Variants in FNDC1 observed in about 807,000 individuals in gnomAD.
FNDC1 encodes fibronectin type III domain-containing protein 1.
In FNDC1, 96 loss-of-function variants were observed where a neutral mutation model predicts 168.0. That is an observed-to-expected ratio of 0.57 (90% CI 0.48 to 0.68). FNDC1 has a LOEUF of 0.68. Ranked by LOEUF, FNDC1 falls within the 30% of genes least tolerant of loss-of-function variation. The pLI is 0.00. For missense variants in FNDC1, 2,587 were observed against 2,482.1 expected (o/e 1.04, Z -0.90); for synonymous variants, 1,099 against 1,025.9 (o/e 1.07, Z -1.36).
At chr6:159,238,422 C>T in intron 12 of FNDC1, 132 bp from the exon 13 acceptor site, 1 of 614,346 alleles carries the variant, frequency 1.6e-6, no homozygotes, top group Non-Finnish European at 2.8e-6. Flanking sequence ...ATGATATTGA[C>T]AAAAAGAATG....
At chr6:159,269,514 GCATC>G (rs1159382501) in intron 22 of FNDC1, among the ~76,000 whole-genome samples, 13,544 of 86,126 alleles carry the variant, frequency 0.16, 1,026 homozygotes, top group South Asian at 0.19. Flanking sequence ...ATCCATCCAT[GCATC>G]CATCCATCCA....
At chr6:159,177,706 C>T (rs1231583391) in intron 1 of FNDC1, among the ~76,000 whole-genome samples, 2 of 152,132 alleles carry the variant, frequency 1.3e-5, no homozygotes, top group Non-Finnish European at 2.9e-5. Context: ...AAGGCTCGGC[C>T]TCCTCTGATG....
intron 19 of FNDC1, 61 bp downstream of exon 19, chr6:159,261,330 A>G (rs1777480006): frequency 8.8e-7 from 1 of 1,137,268 alleles, no homozygotes; most frequent in African/African-American, 1.5e-5. Context: ...TAAATAATCT[A>G]GCATGATGGC....
In FNDC1 at chr6:159,271,511, A is replaced by G; in HGVS notation, c.*69A>G. ...CAACTAAGTCGCACTAGGGGCTGTG[A>G]GCAAAGACAGCCAGCGTGCTCAGCC... On this transcript the variant is annotated 3_prime_UTR_variant, in exon 23 of 23. Coordinates refer to ENST00000297267, the MANE Select transcript of FNDC1 (RefSeq NM_032532.3). 8.3e-7 allele frequency: 1 copy of G among 1,208,224 alleles called. No individual in the cohort carries two copies. Among genetic ancestry groups the G allele is most frequent in the Non-Finnish European group, 1.2e-6 (1 of 834,764 alleles). 74.8% of individuals were successfully genotyped at this position (1,208,224 alleles called of 1,614,324 possible).
intron 18 of FNDC1, among the ~76,000 whole-genome samples, chr6:159,260,970 G>C (rs1777470499): frequency 6.6e-6 from 1 of 152,208 alleles, no homozygotes; most frequent in Non-Finnish European, 1.5e-5. Context: ...ACTGCCATTA[G>C]CCATGTGTCC....
Position 159,232,133 on chromosome 6 carries a change from A to G in FNDC1, c.1621A>G (p.Thr541Ala), listed in dbSNP as rs1357880510. The G allele has an allele frequency of 2.1e-5, 34 of 1,613,822 alleles. No individual in the cohort carries two copies. In the South Asian group the frequency reaches 3.1e-4, roughly 15 times the overall value. ...GCTGGATCTTCAGTCGACAGAAATC[A>G]CTGGGGAGGAGGAGCTGGGTTCCCG... ...EELDLQSTEI[T>A]GEEELGSRED... The change falls in exon 11 of 23, where the codon ACT becomes GCT. Residue 541 changes from threonine (T) to alanine (A), a missense_variant. Thr to Ala is a moderately conservative substitution (Grantham distance 58). Coordinates refer to ENST00000297267, the MANE Select transcript of FNDC1 (RefSeq NM_032532.3). The surrounding 1 kb of genome is among the most constrained non-coding windows in gnomAD (Gnocchi z 4.9).
intron 2 of FNDC1, 139 bp downstream of exon 2, chr6:159,197,764 T>C (rs947637747): frequency 2.8e-6 from 2 of 702,364 alleles, no homozygotes; most frequent in South Asian, 4.8e-5. Context: ...GAGAGCTGAG[T>C]TCTGAGATGC....
rs1777149592 is a variant in FNDC1 at position 159,246,947 on chromosome 6, G to A, written c.4668G>A (p.Glu1556=). 1.2e-6 allele frequency: 2 copies of A among 1,612,194 alleles called. No homozygotes were observed. The highest frequency in any genetic ancestry group is 1.7e-5 in the Admixed American group (1 of 60,004). The change falls in exon 15 of 23, where the codon GAG becomes GAA. Residue 1556 remains glutamate (E), a synonymous_variant. Coordinates refer to ENST00000297267, the MANE Select transcript of FNDC1 (RefSeq NM_032532.3). The part of the protein sequence containing the change: ...LETDTAVPTE[E]AYVIYDEDYE... The stretch of plus-strand genomic sequence containing the variant: ...CTGACACTGCAGTACCTACGGAAGA[G>A]GCCTACGTTATATATGATGAAGGTA...
intron 10 of FNDC1, among the ~76,000 whole-genome samples, chr6:159,230,461 C>A (rs1783057670): frequency 6.6e-6 from 1 of 152,162 alleles, no homozygotes; most frequent in African/African-American, 2.4e-5. Flanking sequence ...GAGATGGGTT[C>A]ACTGGAAGCC....
intron 1 of FNDC1, among the ~76,000 whole-genome samples, chr6:159,175,000 A>G (rs550592311): frequency 6.6e-6 from 1 of 152,348 alleles, no homozygotes; most frequent in Non-Finnish European, 1.5e-5. Flanking sequence ...TCTAATTATT[A>G]TAATAATGCT....
chr6:159,180,849 A>G (rs1355376531), intron 1 of FNDC1, among the ~76,000 whole-genome samples: 1 of 152,134 alleles, frequency 6.6e-6, no homozygotes, highest in African/African-American at 2.4e-5. Context: ...TCCATGGTGT[A>G]TATGTCCCGC....
At chr6:159,264,949 T>A (rs745407475) in intron 19 of FNDC1, 26 bp from the exon 20 acceptor site, 86 of 1,586,660 alleles carry the variant, frequency 5.4e-5, no homozygotes, top group Non-Finnish European at 6.8e-5. Context: ...TGGCACAGAG[T>A]CCATTATTTC....
chr6:159,234,958 CTTATCTTGTTCTTGTCT>C (rs1376837031), intron 11 of FNDC1, among the ~76,000 whole-genome samples: 1 of 152,228 alleles, frequency 6.6e-6, no homozygotes, highest in Non-Finnish European at 1.5e-5. Context: ...CATATGTAGG[CTTATCTTGTTCTTGTCT>C]TTATCTTGTT....
In FNDC1 at chr6:159,235,065, A is replaced by C. The variant is rs571911163; in HGVS notation, c.3967+586A>C. Reference sequence around the variant, plus strand: ...TATCTTGGGTATGAATTGCTCAGACAGTGCAATTAGTGCATGTTGTCTAAA... The same window carrying C: ...TATCTTGGGTATGAATTGCTCAGACCGTGCAATTAGTGCATGTTGTCTAAA... On this transcript the variant is annotated intron_variant, in intron 11 of 22. Coordinates refer to ENST00000297267, the MANE Select transcript of FNDC1 (RefSeq NM_032532.3). 2.6e-5 allele frequency among the ~76,000 whole-genome samples: 4 copies of C among 152,378 alleles called. No individual in the cohort carries two copies. In the East Asian group the frequency reaches 7.7e-4, roughly 29 times the overall value.
chr6:159,236,852 A>G (rs763041848), intron 12 of FNDC1, among the ~76,000 whole-genome samples: 1 of 152,234 alleles, frequency 6.6e-6, no homozygotes, highest in Non-Finnish European at 1.5e-5. Context: ...ATTATGTATT[A>G]GTATTTCATG....
At chr6:159,197,000 T>G (rs1346105730) in intron 1 of FNDC1, among the ~76,000 whole-genome samples, 1 of 152,226 alleles carries the variant, frequency 6.6e-6, no homozygotes, top group East Asian at 1.9e-4. Context: ...TTTTTCTTAA[T>G]CAGGACAGTT....
rs1163089649 is a variant in FNDC1, at chr6:159,229,898, G to C, written c.1264G>C (p.Val422Leu). Residue 422 changes from valine to leucine, a missense_variant, in exon 10 of 23, where the codon GTG becomes CTG. By Grantham distance (32) the Val-to-Leu change is conservative (BLOSUM62 1). Coordinates refer to ENST00000297267, the MANE Select transcript of FNDC1 (RefSeq NM_032532.3). ...TYPGDTTSAL[V>L]DGLQPGERYL... ...TCCTGGAGACACTACTTCTGCCCTG[G>C]TGGATGGTCTGCAGCCTGGGGAACG... 1 of 1,613,968 alleles carries C rather than the reference G, an allele frequency of 6.2e-7. No individual in the cohort carries two copies. The highest frequency in any genetic ancestry group is 8.5e-7 in the Non-Finnish European group (1 of 1,179,878).
intron 5 of FNDC1, among the ~76,000 whole-genome samples, chr6:159,221,096 G>A (rs422967): frequency 0.46 from 69,803 of 152,026 alleles, 17,471 homozygotes; most frequent in East Asian, 0.66. Context: ...TAGTTTTGAA[G>A]GGCACAGCAT....
At position 159,236,264 on chromosome 6, in the gene FNDC1, T is replaced by C. The variant is rs371779003; in HGVS notation, c.4017T>C (p.Asn1339=). ...AAGGGAAAGTCCTTCCTGGTAGTAA[T>C]GGAAAACCGAATGGACAGAGAATTA... ...NVEGKVLPGS[N]GKPNGQRIIN... Residue 1339 remains asparagine (N), a synonymous_variant, in exon 12 of 23, where the codon AAT becomes AAC. Coordinates refer to ENST00000297267, the MANE Select transcript of FNDC1 (RefSeq NM_032532.3). The C allele has an allele frequency of 7.2e-5, 116 of 1,613,666 alleles. No individual in the cohort carries two copies. The highest frequency in any genetic ancestry group is 9.5e-5 in the Non-Finnish European group (112 of 1,179,780).
Sources: allele counts gnomAD v4.1 joint callset (sites outside exome capture counted in the v4.1 genomes callset), GRCh38; gene constraint gnomAD v4.1.1; non-coding constraint Gnocchi (gnomAD v3.1); transcripts MANE v1.5; gene names NCBI Gene and HGNC (gene_info 2026-07-23, HGNC 2026-07-21).